The following MPP4 variants were observed in gnomAD, a reference collection of about 807,000 sequenced individuals.
MPP4 encodes MAGUK p55 scaffold protein 4.
A neutral mutation model predicts 98.3 loss-of-function variants in MPP4; 91 were observed. The observed-to-expected ratio is 0.93, with a 90% CI of 0.78 to 1.10. The LOEUF is 1.10. Among genes scored for constraint, MPP4 ranks in the 50% least tolerant of loss-of-function variants. The pLI is 0.00. For missense variants in MPP4, 744 were observed against 792.9 expected, an observed-to-expected ratio of 0.94 and a Z score of 0.74; for synonymous variants, 261 against 271.8, an observed-to-expected ratio of 0.96 and a Z score of 0.39.
At position 201,645,427 on chromosome 2, in the gene MPP4, T is replaced by A. The variant is rs369373098; in HGVS notation, c.1720-23A>T. The A allele has an allele frequency of 5.0e-6, 8 of 1,599,176 alleles. No homozygotes were observed. In the African/African-American group the frequency reaches 8.0e-5, roughly 16 times the overall value. ...ATCCTTTAGGAGAAATAGAAAAATA[T>A]GGATAGTACAGACTTAATTGGACAA... On this transcript the variant is annotated intron_variant, in intron 21 of 21. Transcript: ENST00000409474.
chr2:201,697,974 TTATC>T (rs1689241150), intron 1 of MPP4: 3 of 985,338 alleles, frequency 3.0e-6, no homozygotes, highest in Non-Finnish European at 3.6e-6. Flanking sequence ...CAGTTGAAGC[TTATC>T]TATTTCTGCT....
At position 201,680,946 on chromosome 2, in the gene MPP4, T is replaced by A. The variant is rs1422449461; in HGVS notation, c.821A>T (p.Asp274Val). The change falls in exon 10 of 22, where the codon GAC becomes GTC. Residue 274 changes from aspartate to valine, a missense_variant. Physicochemically the swap from Asp to Val is radical, Grantham distance 152. Transcript: ENST00000409474. Reference sequence around the variant, plus strand: ...ATTCTGGTCCACAATCTGGAGGATGTCCCCCTTCTGGAAAGGCAATCCAGC... The same window carrying A: ...ATTCTGGTCCACAATCTGGAGGATGACCCCCTTCTGGAAAGGCAATCCAGC... Reference protein sequence around the residue: ...MDAGLPFQKGDILQIVDQNDA... With the variant: ...MDAGLPFQKGVILQIVDQNDA... 3 of 1,613,678 alleles carry A rather than the reference T, an allele frequency of 1.9e-6. No individual in the cohort carries two copies. Among genetic ancestry groups the A allele is most frequent in the African/African-American group, 2.7e-5 (2 of 74,868 alleles).
intron 14 of MPP4, chr2:201,662,015 A>G: frequency 2.8e-6 from 1 of 363,192 alleles, no homozygotes; most frequent in Non-Finnish European, 5.3e-6. Context: ...GAAAATAGGA[A>G]ATTTTGAAAC....
chr2:201,652,829 G>T (rs1687751843), intron 18 of MPP4, among the ~76,000 whole-genome samples: 1 of 152,186 alleles, frequency 6.6e-6, no homozygotes, highest in Non-Finnish European at 1.5e-5. Flanking sequence ...AGGCTAGAGT[G>T]CAGGGAGGGA....
At chr2:201,671,447 A>G (rs1406984774) in intron 11 of MPP4, among the ~76,000 whole-genome samples, 1 of 152,192 alleles carries the variant, frequency 6.6e-6, no homozygotes, top group African/African-American at 2.4e-5. Context: ...ATTAAAAGAC[A>G]CAGACTGCAA....
intron 3 of MPP4, among the ~76,000 whole-genome samples, chr2:201,690,982 G>C (rs1222751376): frequency 1.3e-5 from 2 of 152,188 alleles, no homozygotes; most frequent in African/African-American, 4.8e-5. Flanking sequence ...TACAGACGAA[G>C]AAATAAGGCC....
chr2:201,649,754 T>A, intron 19 of MPP4, 70 bp from the exon 20 acceptor site: 1 of 986,988 alleles, frequency 1.0e-6, no homozygotes, highest in Non-Finnish European at 1.6e-6. Flanking sequence ...AACATGAGGA[T>A]AAACTGCACT....
intron 17 of MPP4, 32 bp downstream of exon 17, chr2:201,656,166 G>A: frequency 1.3e-6 from 2 of 1,556,808 alleles, no homozygotes; most frequent in Non-Finnish European, 1.7e-6. Context: ...ACTTCTCAAG[G>A]AGGAGGAGAG....
rs1231120866 is a variant in MPP4 at position 201,649,699 on chromosome 2, C to G, written c.1476-15G>C. The G allele has an allele frequency of 6.4e-7, 1 of 1,561,524 alleles. No individual in the cohort carries two copies. The highest frequency in any genetic ancestry group is 8.8e-7 in the Non-Finnish European group (1 of 1,138,324). On this transcript the variant is annotated splice_polypyrimidine_tract_variant and intron_variant, in intron 19 of 21. Coordinates refer to ENST00000409474, the MANE Select transcript of MPP4 (RefSeq NM_033066.3). ...ACTCCAGCATCCTGCAAGAGCAGGC[C>G]AAACAAAACAGAACACTTTCTACAA...
intron 14 of MPP4, chr2:201,662,202 T>TA (rs1382769775): frequency 1.1e-5 from 2 of 174,234 alleles, no homozygotes; most frequent in Non-Finnish European, 2.4e-5. Context: ...GCTGTAACAT[T>TA]AAAAAACATT....
intron 17 of MPP4, 76 bp downstream of exon 17, chr2:201,656,122 T>C: frequency 1.4e-6 from 2 of 1,437,442 alleles, no homozygotes; most frequent in South Asian, 3.0e-5. Flanking sequence ...TTCACCATTA[T>C]TCCCAATGCA....
intron 13 of MPP4, 166 bp from the exon 14 acceptor site, chr2:201,664,267 T>C: frequency 6.7e-7 from 1 of 1,481,784 alleles, no homozygotes; most frequent in Non-Finnish European, 9.1e-7. Context: ...CTATGGCATA[T>C]ATCAGCTTTA....
At chr2:201,681,401 CA>C in intron 9 of MPP4, 94 bp downstream of exon 9, 1 of 1,083,312 alleles carries the variant, frequency 9.2e-7, no homozygotes, top group Non-Finnish European at 1.4e-6. Flanking sequence ...CCAGGTCCAA[CA>C]CAGTACAAAG....
At chr2:201,690,938 C>A (rs753771179) in intron 3 of MPP4, among the ~76,000 whole-genome samples, 1 of 152,230 alleles carries the variant, frequency 6.6e-6, no homozygotes, top group South Asian at 2.1e-4. Flanking sequence ...CTGCAATGCA[C>A]CCCTTGATCT....
chr2:201,678,380 C>A (rs1042223147), intron 10 of MPP4, among the ~76,000 whole-genome samples: 2 of 152,192 alleles, frequency 1.3e-5, no homozygotes, highest in Middle Eastern at 3.2e-3. Flanking sequence ...CCTCTGGAAC[C>A]CACAGCAAAT....
At chr2:201,693,846 G>T (rs1230506818) in intron 2 of MPP4, 30 bp downstream of exon 2, 6 of 1,612,662 alleles carry the variant, frequency 3.7e-6, no homozygotes, top group Middle Eastern at 1.7e-4. Flanking sequence ...TTACTTTCTG[G>T]TCTAGAAAAG....
At chr2:201,687,181 G>A in intron 5 of MPP4, 110 bp downstream of exon 5, 2 of 896,420 alleles carry the variant, frequency 2.2e-6, no homozygotes, top group South Asian at 1.5e-5. Flanking sequence ...ACCGTGTACA[G>A]TAATAGAACA....
In MPP4 at chr2:201,693,857, G is replaced by T. The variant is rs1559020634; in HGVS notation, c.79+19C>A. On this transcript the variant is annotated intron_variant, in intron 2 of 21. Transcript: ENST00000409474. Reference sequence around the variant, plus strand: ...GATATTACTTTCTGGTCTAGAAAAGGAGTCCTGGTGACACATACCATTCTG... The same window carrying T: ...GATATTACTTTCTGGTCTAGAAAAGTAGTCCTGGTGACACATACCATTCTG... 16 of 1,613,640 alleles carry T rather than the reference G, an allele frequency of 9.9e-6. No homozygotes were observed. The highest frequency in any genetic ancestry group is 1.3e-5 in the Non-Finnish European group (15 of 1,179,668).
intron 1 of MPP4, among the ~76,000 whole-genome samples, chr2:201,696,370 G>A (rs1281416994): frequency 2.6e-5 from 4 of 152,150 alleles, no homozygotes; most frequent in Non-Finnish European, 4.4e-5. Flanking sequence ...CACTTCCAGG[G>A]TAGAAAATTG....
Sources: gnomAD v4.1 joint callset for allele counts (sites outside exome capture counted in the v4.1 genomes callset) on GRCh38, gnomAD v4.1.1 for gene constraint, MANE v1.5 for transcripts, NCBI Gene and HGNC (gene_info 2026-07-23, HGNC 2026-07-21) for gene names.